Variants in CALN1 observed in about 807,000 individuals in gnomAD.
The protein encoded by CALN1 is calneuron 1, also known as calcium-binding protein 8.
Under a neutral mutation model 30.6 loss-of-function variants are expected in CALN1, and 17 were observed. The observed-to-expected ratio is 0.56, with a 90% CI of 0.38 to 0.83. The LOEUF (loss-of-function observed/expected upper bound fraction) is 0.83. CALN1 is among the 40% of genes least tolerant of loss of function. The pLI, the probability that CALN1 is intolerant of heterozygous loss-of-function variation, is 0.00. For missense variants in CALN1, 291 were observed against 354.9 expected (o/e 0.82, Z 1.45); for synonymous variants, 156 against 131.4 (o/e 1.19, Z -1.28).
intron 4 of CALN1, among the ~76,000 whole-genome samples, chr7:72,048,389 T>C (rs1393350829): frequency 6.6e-6 from 1 of 152,026 alleles, no homozygotes; most frequent in Non-Finnish European, 1.5e-5. Context: ...GTATGCATTA[T>C]AAGGGCCGCC....
At chr7:72,342,406 C>A (rs1585542436) in intron 2 of CALN1, among the ~76,000 whole-genome samples, 2 of 152,264 alleles carry the variant, frequency 1.3e-5, no homozygotes, top group South Asian at 2.1e-4. Context: ...CACTTTTGCT[C>A]CAACTTTTAT....
At chr7:71,859,024 G>T (rs1277839471) in intron 5 of CALN1, among the ~76,000 whole-genome samples, 2 of 151,828 alleles carry the variant, frequency 1.3e-5, no homozygotes, top group African/African-American at 4.9e-5. Context: ...CCTCTGCTGG[G>T]TAATCATTTT....
intron 5 of CALN1, among the ~76,000 whole-genome samples, chr7:71,823,330 T>C (rs1265208324): frequency 1.3e-5 from 2 of 152,202 alleles, no homozygotes; most frequent in Non-Finnish European, 2.9e-5. Context: ...TTAACAGGCC[T>C]GGATAAATTT....
intron 1 of CALN1, among the ~76,000 whole-genome samples, chr7:72,428,540 T>C (rs1486220927): frequency 6.6e-6 from 1 of 151,982 alleles, no homozygotes; most frequent in African/African-American, 2.4e-5. Context: ...TACAGAAGCA[T>C]GCCATCACGT....
At chr7:72,011,325 G>A (rs1460773490) in intron 5 of CALN1, among the ~76,000 whole-genome samples, 1 of 152,096 alleles carries the variant, frequency 6.6e-6, no homozygotes, top group Non-Finnish European at 1.5e-5. Flanking sequence ...GGAGTGTGGG[G>A]ATCAGGGCCC....
At chr7:71,868,542 T>C (rs1362804681) in intron 5 of CALN1, among the ~76,000 whole-genome samples, 1 of 151,998 alleles carries the variant, frequency 6.6e-6, no homozygotes, top group African/African-American at 2.4e-5. Context: ...CGGCTAATTT[T>C]TGTAGTTTTA....
intron 2 of CALN1, among the ~76,000 whole-genome samples, chr7:72,381,090 A>C (rs1055564096): frequency 1.3e-5 from 2 of 152,326 alleles, no homozygotes; most frequent in East Asian, 3.9e-4. Flanking sequence ...TTTTGATATA[A>C]GAGAAAAACT....
intron 5 of CALN1, among the ~76,000 whole-genome samples, chr7:71,928,585 T>C (rs1795389874): frequency 6.6e-6 from 1 of 152,132 alleles, no homozygotes; most frequent in Non-Finnish European, 1.5e-5. Flanking sequence ...TGTCAAAAAA[T>C]GCAATTACTT....
chr7:72,190,679 A>G (rs1166253053), intron 3 of CALN1, among the ~76,000 whole-genome samples: 2 of 152,232 alleles, frequency 1.3e-5, no homozygotes, highest in Non-Finnish European at 2.9e-5. Context: ...TTTTAATACA[A>G]GAGTCCTTTG....
At position 72,442,589 on chromosome 7, in the gene CALN1, A is replaced by G. The variant is rs146047539; in HGVS notation, c.-226+4453T>C. Among the ~76,000 whole-genome samples the G allele has an allele frequency of 5.6e-3, 845 of 151,652 alleles. 9 individuals are homozygous for G. Among genetic ancestry groups the G allele is most frequent in the African/African-American group, 0.019 (796 of 41,318 alleles). On this transcript the variant is annotated intron_variant, in intron 1 of 6. Coordinates refer to the CALN1 transcript ENST00000395276. Reference sequence around the variant, plus strand: ...TTGCGCTTATTTAGGATTGGACTTTATTAAGGGTTGCGCTTATTTAGGATT... The same window carrying G: ...TTGCGCTTATTTAGGATTGGACTTTGTTAAGGGTTGCGCTTATTTAGGATT...
intron 2 of CALN1, among the ~76,000 whole-genome samples, chr7:72,294,593 T>C (rs1410589588): frequency 6.6e-6 from 1 of 151,478 alleles, no homozygotes; most frequent in Non-Finnish European, 1.5e-5. Flanking sequence ...CTATGAAAAA[T>C]TTAGAAATAG....
intron 2 of CALN1, among the ~76,000 whole-genome samples, chr7:72,379,355 A>T (rs980485896): frequency 6.6e-6 from 1 of 152,204 alleles, no homozygotes; most frequent in Non-Finnish European, 1.5e-5. Context: ...AAAGGGTTAA[A>T]CCCTAAATAA....
intron 6 of CALN1, among the ~76,000 whole-genome samples, chr7:71,798,272 T>A (rs1787083399): frequency 1.3e-5 from 2 of 151,878 alleles, no homozygotes; most frequent in Admixed American, 1.3e-4. Context: ...AAAAGAATCT[T>A]GGTTGGCTTT....
At chr7:71,789,885 C>T (rs1356817938) in intron 6 of CALN1, among the ~76,000 whole-genome samples, 1 of 151,948 alleles carries the variant, frequency 6.6e-6, no homozygotes, top group African/African-American at 2.4e-5. Flanking sequence ...TGCTTGAAGC[C>T]AGGAGTTTGA....
At chr7:72,156,851 G>A (rs13227850) in intron 3 of CALN1, among the ~76,000 whole-genome samples, 3,303 of 152,252 alleles carry the variant, frequency 0.022, 54 homozygotes, top group Non-Finnish European at 0.038. Context: ...AACCCCACCT[G>A]CAAAAACCTC....
chr7:71,915,808 T>C (rs1794664878), intron 5 of CALN1, among the ~76,000 whole-genome samples: 1 of 151,754 alleles, frequency 6.6e-6, no homozygotes, highest in African/African-American at 2.4e-5. Flanking sequence ...GATAAGGAAC[T>C]ACCTTTAGTG....
chr7:71,909,762 G>C (rs945440976), intron 5 of CALN1, among the ~76,000 whole-genome samples: 2 of 152,148 alleles, frequency 1.3e-5, no homozygotes, highest in South Asian at 2.1e-4. Flanking sequence ...CTGTCCAAAG[G>C]GGATGCATTT....
At chr7:72,132,415 G>A (rs1809214603) in intron 3 of CALN1, among the ~76,000 whole-genome samples, 1 of 152,150 alleles carries the variant, frequency 6.6e-6, no homozygotes, top group Admixed American at 6.5e-5. Context: ...CTGGGTGTGT[G>A]TCGCTCTCAC....
intron 3 of CALN1, among the ~76,000 whole-genome samples, chr7:72,130,784 C>T (rs529911691): frequency 2.0e-5 from 3 of 152,146 alleles, no homozygotes; most frequent in Admixed American, 6.6e-5. Context: ...TAAAAGTACA[C>T]ACTAAATCAT....
Sources: allele counts gnomAD v4.1 joint callset (sites outside exome capture counted in the v4.1 genomes callset), GRCh38; gene constraint gnomAD v4.1.1; transcripts MANE v1.5; gene names NCBI Gene and HGNC (gene_info 2026-07-23, HGNC 2026-07-21).